The following CYB5D1 variants were observed in gnomAD, a reference collection of about 807,000 sequenced individuals.
CYB5D1 encodes the protein cytochrome b5 domain containing 1, also known as cytochrome b5 domain-containing protein 1.
In CYB5D1, 30 loss-of-function variants were observed where a neutral mutation model predicts 24.3. The ratio of observed to expected loss-of-function variants is 1.23; its 90% confidence interval spans 0.92 to 1.67. CYB5D1 has a LOEUF of 1.67. Ranked by LOEUF, CYB5D1 falls within the 40% of genes most tolerant of loss-of-function variation. The pLI is 0.00. For missense variants in CYB5D1, 265 were observed against 296.7 expected, an observed-to-expected ratio of 0.89 and a Z score of 0.79; for synonymous variants, 128 against 123.2, an observed-to-expected ratio of 1.04 and a Z score of -0.26.
chr17:7,859,533 T>C lies in CYB5D1; in HGVS notation c.608T>C (p.Phe203Ser). The C allele has an allele frequency of 6.2e-7, 1 of 1,614,180 alleles. No individual in the cohort carries two copies. The highest frequency in any genetic ancestry group is 8.5e-7 in the Non-Finnish European group (1 of 1,180,030). Reference sequence around the variant, plus strand: ...GGGATCCGGGATGAGGAGGAAGAATTTGACTATCTCAGTATGGACGGTACA... The same window carrying C: ...GGGATCCGGGATGAGGAGGAAGAATCTGACTATCTCAGTATGGACGGTACA... ...ENGIRDEEEE[F>S]DYLSMDGTLH... The change falls in exon 4 of 4, where the codon TTT becomes TCT. Residue 203 changes from phenylalanine (F) to serine (S), a missense_variant. Phe to Ser is a radical substitution (Grantham distance 155). Coordinates refer to ENST00000332439, the MANE Select transcript of CYB5D1 (RefSeq NM_144607.6).
rs368066888 is a variant in CYB5D1 at position 7,858,023 on chromosome 17, A to AT, written c.-111dup. ...AGGACAATGGTTTCCATGTCAGCGG[A>AT]TAAACGCTCTCCCCTCGGCTCCCGG... On this transcript the variant is annotated 5_prime_UTR_variant, in exon 1 of 4. An upstream open reading frame in the 5' UTR gains an earlier in-frame stop. Transcript: ENST00000332439. 1.4e-4 allele frequency: 207 copies of AT among 1,533,132 alleles called. No homozygotes were observed. The East Asian group carries it at 4.1e-3, about 30-fold the overall frequency. The allele number at this position is 1,533,132 out of a possible 1,614,324, so 95.0% of individuals were successfully genotyped here. A position where few individuals can be genotyped will look rare whatever the true frequency, so the allele number is the denominator to read the frequency against.
rs2078882910 is a variant in CYB5D1 at position 7,861,504 on chromosome 17, T to C, written c.*1892T>C. The C allele has an allele frequency of 6.6e-6, 1 of 152,236 alleles. No individual in the cohort carries two copies. Among genetic ancestry groups the C allele is most frequent in the South Asian group, 2.1e-4 (1 of 4,834 alleles). 9.4% of individuals were successfully genotyped at this position (152,236 alleles called of 1,614,324 possible). A position where few individuals can be genotyped will look rare whatever the true frequency, so the allele number is the denominator to read the frequency against. On this transcript the variant is annotated 3_prime_UTR_variant, in exon 4 of 4. Transcript: ENST00000332439. ...AACTATTTGAGAATGAAAGCTATGC[T>C]GTTCCTCTAGTGCAAGCCTCAGGGC...
rs1350757726 is a variant in CYB5D1 at position 7,858,090 on chromosome 17, G to A, written c.-45G>A. The A allele has an allele frequency of 1.2e-6, 2 of 1,609,144 alleles. No individual in the cohort carries two copies. Among genetic ancestry groups the A allele is most frequent in the South Asian group, 2.2e-5 (2 of 90,830 alleles). On this transcript the variant is annotated 5_prime_UTR_variant, in exon 1 of 4. Coordinates refer to ENST00000332439, the MANE Select transcript of CYB5D1 (RefSeq NM_144607.6). ...AGTAGTAGTGAGTACGTGCTGAGGA[G>A]CAAAGGAGTAACCAAGAGATCCAGT...
rs760888876 is a variant in CYB5D1 at position 7,858,648 on chromosome 17, T to G, written c.280T>G (p.Cys94Gly). ...IDPLTGCLRY[C>G]TPRGRFVHVP... is the part of the protein sequence containing the mutation. ...TCCGCTGACCGGCTGCCTGAGGTAC[T>G]GCACCCCGCGGGGCCGCTTTGTGCA... Residue 94 changes from cysteine to glycine, a missense_variant, in exon 3 of 4, where the codon TGC becomes GGC. Coordinates refer to ENST00000332439, the MANE Select transcript of CYB5D1 (RefSeq NM_144607.6). 7.5e-6 allele frequency: 12 copies of G among 1,608,822 alleles called. No homozygotes were observed. Among genetic ancestry groups the G allele is most frequent in the Non-Finnish European group, 1.0e-5 (12 of 1,176,776 alleles).
Position 7,858,682 on chromosome 17 carries a change from C to G in CYB5D1, c.314C>G (p.Pro105Arg). 1 of 1,611,302 alleles carries G rather than the reference C, an allele frequency of 6.2e-7. No individual in the cohort carries two copies. Among genetic ancestry groups the G allele is most frequent in the Non-Finnish European group, 8.5e-7 (1 of 1,178,376 alleles). Residue 105 changes from proline (P) to arginine (R), a missense_variant, in exon 3 of 4, where the codon CCT becomes CGT. By Grantham distance (103) the Pro-to-Arg change is moderately radical. Transcript: ENST00000332439. Reference sequence around the variant, plus strand: ...CGGGGCCGCTTTGTGCACGTTCCGCCTCAGCTGCCCTGTTCGGACTGGGCC... The same window carrying G: ...CGGGGCCGCTTTGTGCACGTTCCGCGTCAGCTGCCCTGTTCGGACTGGGCC... ...TPRGRFVHVPPQLPCSDWAND... is the reference protein window; with the variant it reads ...TPRGRFVHVPRQLPCSDWAND...
Position 7,859,560 on chromosome 17 carries a change from T to C in CYB5D1, c.635T>C (p.Leu212Pro). The change falls in exon 4 of 4, where the codon CTT becomes CCT. Residue 212 changes from leucine to proline, a missense_variant. By Grantham distance (98) the Leu-to-Pro change is moderately conservative (BLOSUM62 -3). Coordinates refer to ENST00000332439, the MANE Select transcript of CYB5D1 (RefSeq NM_144607.6). ...EFDYLSMDGT[L>P]HTPAILLYFN... ...GACTATCTCAGTATGGACGGTACACTTCACACACCTGCAATACTTCTGTAC... is the reference window on the plus strand; with the variant it reads ...GACTATCTCAGTATGGACGGTACACCTCACACACCTGCAATACTTCTGTAC... 20 of 1,614,160 alleles carry C rather than the reference T, an allele frequency of 1.2e-5. No homozygotes were observed. The highest frequency in any genetic ancestry group is 1.7e-5 in the Non-Finnish European group (20 of 1,180,022).
chr17:7,858,016 T>A lies in CYB5D1; in HGVS notation c.-119T>A. 1 of 1,526,354 alleles carries A rather than the reference T, an allele frequency of 6.6e-7. No homozygotes were observed. 94.6% of individuals were successfully genotyped at this position (1,526,354 alleles called of 1,614,324 possible). A position where few individuals can be genotyped will look rare whatever the true frequency, so the allele number is the denominator to read the frequency against. ...CCGGAAAAGGACAATGGTTTCCATG[T>A]CAGCGGATAAACGCTCTCCCCTCGG... On this transcript the variant is annotated 5_prime_UTR_variant, in exon 1 of 4. Transcript: ENST00000332439.
At chr17:7,858,340 C>G (rs752993340) in intron 1 of CYB5D1, 46 bp downstream of exon 1, 1 of 1,613,994 alleles carries the variant, frequency 6.2e-7, no homozygotes, top group East Asian at 2.2e-5. Flanking sequence ...TGTGTGTGCA[C>G]GCGCGCGTTT....
chr17:7,859,023 A>T (rs2078861168), intron 3 of CYB5D1, 199 bp downstream of exon 3: 1 of 572,090 alleles, frequency 1.7e-6, no homozygotes, highest in Admixed American at 3.4e-5. Flanking sequence ...CAGGGGGACA[A>T]GAGACTCCTT....
chr17:7,859,967 A>C lies in CYB5D1; in HGVS notation c.*355A>C, dbSNP rs1328147093. On this transcript the variant is annotated 3_prime_UTR_variant, in exon 4 of 4. Coordinates refer to ENST00000332439, the MANE Select transcript of CYB5D1 (RefSeq NM_144607.6). ...GACTTTTTTGGCAATGATGGAAATG[A>C]GATGTCTGCAGGAAGATGGGATTTA... 4.2e-6 allele frequency: 1 copy of C among 240,684 alleles called. No homozygotes were observed. The highest frequency in any genetic ancestry group is 2.3e-5 in the African/African-American group (1 of 44,048). The allele number at this position is 240,684 out of a possible 1,614,324, so 14.9% of individuals were successfully genotyped here.
Position 7,858,752 on chromosome 17 carries a change from G to A in CYB5D1, c.384G>A (p.Val128=). 6.3e-7 allele frequency: 1 copy of A among 1,599,376 alleles called. No individual in the cohort carries two copies. Among genetic ancestry groups the A allele is most frequent in the Non-Finnish European group, 8.5e-7 (1 of 1,172,592 alleles). The change falls in exon 3 of 4, where the codon GTG becomes GTA. Residue 128 remains valine (V), a synonymous_variant. Coordinates refer to ENST00000332439, the MANE Select transcript of CYB5D1 (RefSeq NM_144607.6). Reference sequence around the variant, plus strand: ...GGTGGCAGGGGTCGTATTATGAGGTGGGGCGGCTGTCTGCCAAGACCCGGA... The same window carrying A: ...GGTGGCAGGGGTCGTATTATGAGGTAGGGCGGCTGTCTGCCAAGACCCGGA... ...KPWWQGSYYE[V]GRLSAKTRSI... is the part of the protein sequence containing the mutation.
In CYB5D1 at chr17:7,861,581, CAG is replaced by C. The variant is rs1412518636; in HGVS notation, c.*1973_*1974del. The C allele has an allele frequency of 6.6e-6, 1 of 152,238 alleles. No individual in the cohort carries two copies. The highest frequency in any genetic ancestry group is 1.5e-5 in the Non-Finnish European group (1 of 68,058). The allele number at this position is 152,238 out of a possible 1,614,324, so 9.4% of individuals were successfully genotyped here. On this transcript the variant is annotated 3_prime_UTR_variant, in exon 4 of 4. Coordinates refer to ENST00000332439, the MANE Select transcript of CYB5D1 (RefSeq NM_144607.6). ...ATTCTGCCAAAACCTGTCCCTCTTCCAGAGACTCCTACTTCAATGTCTCTTGC... is the reference window on the plus strand; with the variant it reads ...ATTCTGCCAAAACCTGTCCCTCTTCCAGACTCCTACTTCAATGTCTCTTGC...
Position 7,860,245 on chromosome 17 carries a change from C to T in CYB5D1, c.*633C>T, listed in dbSNP as rs947381654. The T allele has an allele frequency of 6.6e-6, 1 of 152,528 alleles. No individual in the cohort carries two copies. Among genetic ancestry groups the T allele is most frequent in the African/African-American group, 2.4e-5 (1 of 41,320 alleles). The allele number at this position is 152,528 out of a possible 1,614,324, so 9.4% of individuals were successfully genotyped here. ...CATGGCTCACTGCAGCCTGGAGCTCCTGGGCACAAGTGATCCTCCCATCTC... is the reference window on the plus strand; with the variant it reads ...CATGGCTCACTGCAGCCTGGAGCTCTTGGGCACAAGTGATCCTCCCATCTC... On this transcript the variant is annotated 3_prime_UTR_variant, in exon 4 of 4. Coordinates refer to ENST00000332439, the MANE Select transcript of CYB5D1 (RefSeq NM_144607.6).
In CYB5D1 at chr17:7,859,705, T is replaced by A; in HGVS notation, c.*93T>A. On this transcript the variant is annotated 3_prime_UTR_variant, in exon 4 of 4. Transcript: ENST00000332439. ...AAAAGTGGTGGGGCCGAGGGGTGCC[T>A]GGACCCAGATCTCCACTCCTCTCCA... The A allele has an allele frequency of 9.0e-7, 1 of 1,117,164 alleles. No individual in the cohort carries two copies. Among genetic ancestry groups the A allele is most frequent in the Non-Finnish European group, 1.3e-6 (1 of 750,142 alleles). 69.2% of individuals were successfully genotyped at this position (1,117,164 alleles called of 1,614,324 possible). A position where few individuals can be genotyped will look rare whatever the true frequency, so the allele number is the denominator to read the frequency against.
chr17:7,858,788 C>G lies in CYB5D1; in HGVS notation c.420C>G (p.Ile140Met). The change falls in exon 3 of 4, where the codon ATC (isoleucine) becomes ATG (methionine). Residue 140 changes from isoleucine (I) to methionine (M), a missense_variant. Coordinates refer to ENST00000332439, the MANE Select transcript of CYB5D1 (RefSeq NM_144607.6). ...CTGCCAAGACCCGGAGCATCCGCAT[C>G]ATTAACACGCTCACGTCGCAGGAGC... ...RLSAKTRSIR[I>M]INTLTSQEHT... is the part of the protein sequence containing the mutation. 6.4e-7 allele frequency: 1 copy of G among 1,573,230 alleles called. No homozygotes were observed. Among genetic ancestry groups the G allele is most frequent in the Non-Finnish European group, 8.6e-7 (1 of 1,159,200 alleles).
rs2037180242 is a variant in CYB5D1, at chr17:7,859,436, T to A, written c.511T>A (p.Ser171Thr). The stretch of plus-strand genomic sequence containing the variant: ...CCTACACCGCTATCTCCCCTATAAC[T>A]CACATGCTGCCAGCTACACGTGGAA... ...EILHRYLPYN[S>T]HAASYTWKYE... is the part of the protein sequence containing the mutation. Residue 171 changes from serine (S) to threonine (T), a missense_variant, in exon 4 of 4, where the codon TCA becomes ACA. Physicochemically the swap from Ser to Thr is moderately conservative, Grantham distance 58. Transcript: ENST00000332439. 2.5e-6 allele frequency: 4 copies of A among 1,613,848 alleles called. No homozygotes were observed. In the South Asian group the frequency reaches 3.3e-5, roughly 13 times the overall value.
At chr17:7,858,335 G>T (rs2078850528) in intron 1 of CYB5D1, 41 bp downstream of exon 1, 3 of 1,613,906 alleles carry the variant, frequency 1.9e-6, no homozygotes, top group Admixed American at 3.3e-5. Context: ...GTGTGTGTGT[G>T]TGCACGCGCG....
chr17:7,859,645 CG>C lies in CYB5D1; in HGVS notation c.*34del, dbSNP rs1391652632. 13 of 1,601,042 alleles carry C rather than the reference CG, an allele frequency of 8.1e-6. No homozygotes were observed. The highest frequency in any genetic ancestry group is 8.6e-6 in the Non-Finnish European group (10 of 1,168,958). On this transcript the variant is annotated 3_prime_UTR_variant, in exon 4 of 4. Transcript: ENST00000332439. The stretch of plus-strand genomic sequence containing the variant: ...GATGTACACTCGTGTAGACTCAAGA[CG>C]TATTTCGAGTTTGGCTTTTTCTGTG...
chr17:7,858,820 T>C lies in CYB5D1; in HGVS notation c.452T>C (p.Leu151Pro). 6.5e-7 allele frequency: 1 copy of C among 1,538,434 alleles called. No homozygotes were observed. The highest frequency in any genetic ancestry group is 1.4e-5 in the African/African-American group (1 of 72,650). Residue 151 changes from leucine to proline, a missense_variant, in exon 3 of 4, where the codon CTG becomes CCG. By Grantham distance (98) the Leu-to-Pro change is moderately conservative. Transcript: ENST00000332439. ...INTLTSQEHT[L>P]EVGVLESIWE... ...ACGCTCACGTCGCAGGAGCACACAC[T>C]GGAGGTGAGAACTGGTGACAAGGAG...
Sources: gnomAD v4.1 joint callset for allele counts on GRCh38, gnomAD v4.1.1 for gene constraint, MANE v1.5 for transcripts, NCBI Gene and HGNC (gene_info 2026-07-23, HGNC 2026-07-21) for gene names.